The following TBC1D5 variants were observed in gnomAD, a reference collection of about 807,000 sequenced individuals.
The protein encoded by TBC1D5 is TBC1 domain family member 5.
In TBC1D5, 75 loss-of-function variants were observed where a neutral mutation model predicts 100.3. That is an observed-to-expected ratio of 0.75 (90% CI 0.62 to 0.91). The LOEUF is 0.91. TBC1D5 is among the 40% of genes least tolerant of loss of function. The pLI is 0.00. For synonymous variants in TBC1D5, 323 were observed against 325.6 expected (o/e 0.99, Z 0.09); for missense variants, 910 against 942.4 (o/e 0.97, Z 0.45).
chr3:17,739,977 C>G (rs1444569604), exon 1 of TBC1D5: 1 of 151,734 alleles, frequency 6.6e-6, no homozygotes, highest in Non-Finnish European at 1.5e-5. Flanking sequence ...TATACTCCAG[C>G]CTGGACAAGA....
In TBC1D5 at chr3:17,213,016, C is replaced by T. The variant is rs547481415; in HGVS notation, c.1752+1191G>A. 5.9e-5 allele frequency among the ~76,000 whole-genome samples: 9 copies of T among 152,260 alleles called. No homozygotes were observed. In the Middle Eastern group the frequency reaches 0.01, roughly 173 times the overall value. ...TAGACCTTCACATTCACTCACTGCT[C>T]ACTCACTCACTCGCCCAGAGCCACT... On this transcript the variant is annotated intron_variant, in intron 18 of 21. Transcript: ENST00000253692.
intron 1 of TBC1D5, among the ~76,000 whole-genome samples, chr3:17,726,514 T>C (rs1430988901): frequency 1.3e-5 from 2 of 152,266 alleles, no homozygotes; most frequent in African/African-American, 4.8e-5. Context: ...ATGTCTTCTT[T>C]TGAAAAGTGC....
At chr3:17,400,618 G>C (rs1226574529) in intron 8 of TBC1D5, among the ~76,000 whole-genome samples, 1 of 152,020 alleles carries the variant, frequency 6.6e-6, no homozygotes, top group Non-Finnish European at 1.5e-5. Context: ...ATTGTTCCTG[G>C]GTGTGTCTGT....
intron 1 of TBC1D5, among the ~76,000 whole-genome samples, chr3:17,692,521 T>C (rs2071324506): frequency 6.6e-6 from 1 of 152,180 alleles, no homozygotes. Flanking sequence ...AGTCAAGAGA[T>C]ACAAAGAATA....
chr3:17,327,057 C>T (rs2086241909), intron 13 of TBC1D5, among the ~76,000 whole-genome samples: 1 of 152,124 alleles, frequency 6.6e-6, no homozygotes, highest in Non-Finnish European at 1.5e-5. Flanking sequence ...TTATTAACAC[C>T]ATTATCTTTC....
At chr3:17,489,389 A>C (rs1392244318) in intron 3 of TBC1D5, among the ~76,000 whole-genome samples, 1 of 152,160 alleles carries the variant, frequency 6.6e-6, no homozygotes, top group African/African-American at 2.4e-5. Context: ...TTGTTCCATA[A>C]ACACTTAGAA....
chr3:17,215,751 G>A (rs2073559620), intron 17 of TBC1D5, among the ~76,000 whole-genome samples: 1 of 152,132 alleles, frequency 6.6e-6, no homozygotes, highest in Non-Finnish European at 1.5e-5. Flanking sequence ...CAAGAAAGCA[G>A]CAAAGCTGAC....
chr3:17,507,197 T>A (rs2095853538), intron 3 of TBC1D5, among the ~76,000 whole-genome samples: 1 of 152,238 alleles, frequency 6.6e-6, no homozygotes, highest in African/African-American at 2.4e-5. Flanking sequence ...TAACTACGAA[T>A]GCTTCTTATG....
At chr3:17,666,690 T>C (rs1019844568) in intron 1 of TBC1D5, among the ~76,000 whole-genome samples, 2 of 152,136 alleles carry the variant, frequency 1.3e-5, no homozygotes, top group Non-Finnish European at 2.9e-5. Flanking sequence ...AGTGATTTCT[T>C]AGTAAAATCA....
At chr3:17,450,835 C>G (rs867555876) in intron 3 of TBC1D5, among the ~76,000 whole-genome samples, 1 of 152,320 alleles carries the variant, frequency 6.6e-6, no homozygotes, top group South Asian at 2.1e-4. Context: ...AAAAGAACTT[C>G]CCCAACCTAG....
intron 2 of TBC1D5, among the ~76,000 whole-genome samples, chr3:17,591,942 C>T (rs147518580): frequency 1.3e-3 from 205 of 152,320 alleles, no homozygotes; most frequent in African/African-American, 4.7e-3. Context: ...ATGCAGAAGA[C>T]AAATAGATCT....
chr3:17,203,541 T>C (rs1249279723), intron 18 of TBC1D5, among the ~76,000 whole-genome samples: 2 of 152,140 alleles, frequency 1.3e-5, no homozygotes, highest in African/African-American at 4.8e-5. Context: ...TGGATTTCTG[T>C]CTCCACCCAA....
chr3:17,569,423 T>G (rs997067702), intron 2 of TBC1D5, among the ~76,000 whole-genome samples: 1 of 151,954 alleles, frequency 6.6e-6, no homozygotes, highest in African/African-American at 2.4e-5. Flanking sequence ...TCATGACATA[T>G]TGATTCAACA....
intron 13 of TBC1D5, among the ~76,000 whole-genome samples, chr3:17,352,333 G>T (rs2090703787): frequency 6.6e-6 from 1 of 151,980 alleles, no homozygotes; most frequent in East Asian, 1.9e-4. Context: ...TTCCTAGGTT[G>T]CATACATTAA....
chr3:17,171,856 A>G (rs2067201469), intron 19 of TBC1D5, among the ~76,000 whole-genome samples: 3 of 152,208 alleles, frequency 2.0e-5, no homozygotes, highest in Non-Finnish European at 4.4e-5. Flanking sequence ...CTTCAATAAA[A>G]GACAATGCAA....
intron 16 of TBC1D5, among the ~76,000 whole-genome samples, chr3:17,248,274 G>A (rs937526761): frequency 1.3e-5 from 2 of 152,226 alleles, no homozygotes; most frequent in African/African-American, 4.8e-5. Context: ...TTACAGGCGT[G>A]AGCCACTGCG....
At chr3:17,157,654 C>T (rs1399009250) in exon 22 of TBC1D5, 1 of 152,246 alleles carries the variant, frequency 6.6e-6, no homozygotes, top group Admixed American at 6.5e-5. Context: ...ATGTGGGGAC[C>T]TAAGTCCTCC....
chr3:17,371,935 G>C (rs1441309089), intron 13 of TBC1D5, 140 bp downstream of exon 13: 21 of 688,508 alleles, frequency 3.1e-5, no homozygotes, highest in Middle Eastern at 4.1e-4. Flanking sequence ...TACTTGGGAA[G>C]CTGAGATGGG....
chr3:17,655,683 T>A (rs11128837), intron 1 of TBC1D5, among the ~76,000 whole-genome samples: 1 of 151,802 alleles, frequency 6.6e-6, no homozygotes, highest in Non-Finnish European at 1.5e-5. Context: ...TGAACGCTGA[T>A]GTGATGCTCA....
Sources: allele counts gnomAD v4.1 joint callset (sites outside exome capture counted in the v4.1 genomes callset), GRCh38; gene constraint gnomAD v4.1.1; transcripts MANE v1.5; gene names NCBI Gene and HGNC (gene_info 2026-07-23, HGNC 2026-07-21).